Variants in SDK1 observed in about 807,000 individuals in gnomAD.
SDK1 encodes sidekick cell adhesion molecule 1, also known as protein sidekick-1.
A neutral mutation model predicts 245.5 loss-of-function variants in SDK1; 157 were observed. The observed-to-expected ratio is 0.64, with a 90% CI of 0.56 to 0.73. The LOEUF is 0.73. Among genes scored for constraint, SDK1 ranks in the 30% least tolerant of loss-of-function variants. The pLI, the probability that SDK1 is intolerant of heterozygous loss-of-function variation, is 0.00. For missense variants in SDK1, 3,583 were observed against 3,002.3 expected (o/e 1.19, Z -4.52); for synonymous variants, 1,647 against 1,278.5 (o/e 1.29, Z -6.15).
Position 4,247,790 on chromosome 7 carries a change from A to T in SDK1, c.6381+1985A>T, listed in dbSNP as rs143920383. On this transcript the variant is annotated intron_variant, in intron 44 of 44. Coordinates refer to ENST00000404826, the MANE Select transcript of SDK1 (RefSeq NM_152744.4). ...CCCATGAGGTGGGGCCAGTCTCCTT[A>T]TTGGTCAGAGGCTGAGGTTGTCCAG... 5.4e-3 allele frequency among the ~76,000 whole-genome samples: 816 copies of T among 152,110 alleles called. 1 individual carries two copies. Among genetic ancestry groups the T allele is most frequent in the African/African-American group, 9.1e-3 (377 of 41,494 alleles).
intron 32 of SDK1, among the ~76,000 whole-genome samples, chr7:4,171,293 T>C (rs904179311): frequency 2.0e-5 from 3 of 152,220 alleles, no homozygotes; most frequent in African/African-American, 7.2e-5. Flanking sequence ...TTCTGCTTTG[T>C]TTCTCTAGCT....
chr7:4,116,404 C>T (rs1024367879), intron 25 of SDK1, among the ~76,000 whole-genome samples: 2 of 152,212 alleles, frequency 1.3e-5, no homozygotes, highest in African/African-American at 4.8e-5. Flanking sequence ...GGCACCAGCA[C>T]GTGCCCAGTG....
chr7:4,132,198 C>T, intron 27 of SDK1, 127 bp from the exon 28 acceptor site: 1 of 709,000 alleles, frequency 1.4e-6, no homozygotes, highest in Non-Finnish European at 2.4e-6. Context: ...TTAGGGGGTT[C>T]TAAACCCACG....
chr7:3,477,941 G>A (rs897910680), intron 1 of SDK1, among the ~76,000 whole-genome samples: 5 of 152,056 alleles, frequency 3.3e-5, no homozygotes, highest in African/African-American at 1.2e-4. Context: ...TTTGTCCTAT[G>A]GTGTGTGTTA....
intron 40 of SDK1, among the ~76,000 whole-genome samples, chr7:4,230,529 A>G (rs553902636): frequency 6.4e-4 from 97 of 151,488 alleles, no homozygotes; most frequent in African/African-American, 2.3e-3. Context: ...GATGAATGGA[A>G]GGAAGGAAGG....
intron 1 of SDK1, among the ~76,000 whole-genome samples, chr7:3,585,636 A>G (rs1780662508): frequency 6.6e-6 from 1 of 152,144 alleles, no homozygotes; most frequent in South Asian, 2.1e-4. Context: ...GGTCAGTGGT[A>G]ACAGAGAACA....
At chr7:3,696,594 G>C (rs1319297370) in intron 4 of SDK1, among the ~76,000 whole-genome samples, 1 of 151,794 alleles carries the variant, frequency 6.6e-6, no homozygotes, top group Non-Finnish European at 1.5e-5. Context: ...GTGTGTGTGT[G>C]TGTGTGTTGT....
chr7:3,758,647 A>C (rs1056066641), intron 4 of SDK1, among the ~76,000 whole-genome samples: 2 of 152,158 alleles, frequency 1.3e-5, no homozygotes, highest in Admixed American at 6.5e-5. Context: ...CTTACTCTGC[A>C]CTGTGAGATC....
chr7:4,068,322 T>A (rs745559703), intron 20 of SDK1, among the ~76,000 whole-genome samples: 9 of 152,204 alleles, frequency 5.9e-5, no homozygotes, highest in Non-Finnish European at 1.3e-4. Flanking sequence ...ATTTTACAGA[T>A]GAGGAAACTG....
At chr7:3,536,927 C>G (rs1053877186) in intron 1 of SDK1, among the ~76,000 whole-genome samples, 1 of 152,106 alleles carries the variant, frequency 6.6e-6, no homozygotes, top group Non-Finnish European at 1.5e-5. Context: ...AAACCATATT[C>G]TTTATTGACT....
chr7:3,457,910 T>G (rs902269183), intron 1 of SDK1, among the ~76,000 whole-genome samples: 8 of 152,232 alleles, frequency 5.3e-5, no homozygotes, highest in African/African-American at 1.9e-4. Context: ...AAGTAAATGT[T>G]TAGACACTTT....
In SDK1 at chr7:4,162,375, A is replaced by G. The variant is rs549170648; in HGVS notation, c.4800+519A>G. Among the ~76,000 whole-genome samples, 475 of 85,758 alleles carry G rather than the reference A, an allele frequency of 5.5e-3. 3 individuals are homozygous for G. Among genetic ancestry groups the G allele is most frequent in the South Asian group, 0.012 (47 of 3,768 alleles). 56.3% of individuals were successfully genotyped at this position (85,758 alleles called of 152,430 possible). A position where few individuals can be genotyped will look rare whatever the true frequency, so the allele number is the denominator to read the frequency against. On this transcript the variant is annotated intron_variant, in intron 32 of 44. Transcript: ENST00000404826. Reference sequence around the variant, plus strand: ...GGTGGTGGTTGTTGTTGTTGTTATTATTATTATTATTATTATTATTATTAT... The same window carrying G: ...GGTGGTGGTTGTTGTTGTTGTTATTGTTATTATTATTATTATTATTATTAT...
At chr7:3,798,604 C>G (rs1199009886) in intron 4 of SDK1, among the ~76,000 whole-genome samples, 2 of 152,152 alleles carry the variant, frequency 1.3e-5, no homozygotes, top group African/African-American at 4.8e-5. Flanking sequence ...CACGATCAAG[C>G]TGACTCATCA....
At chr7:4,128,735 A>G (rs1156236409) in intron 26 of SDK1, among the ~76,000 whole-genome samples, 20 of 85,188 alleles carry the variant, frequency 2.3e-4, no homozygotes, top group South Asian at 4.5e-4. Flanking sequence ...GTGCCCTGGA[A>G]TAGAGCAGCT....
At chr7:3,729,087 G>A (rs933977085) in intron 4 of SDK1, among the ~76,000 whole-genome samples, 1 of 152,142 alleles carries the variant, frequency 6.6e-6, no homozygotes, top group Non-Finnish European at 1.5e-5. Context: ...TAACCATACT[G>A]GGCAACATTG....
In SDK1 at chr7:4,175,771, A is replaced by C. The variant is rs112491467; in HGVS notation, c.4937-4A>C. On this transcript the variant is annotated splice_polypyrimidine_tract_variant and splice_region_variant and intron_variant, in intron 33 of 44. Transcript: ENST00000404826. The stretch of plus-strand genomic sequence containing the variant: ...CCACCTTTCTGCTTTGCTTACCCCA[A>C]TAGCCCAAAGCAGCTTCAAGACGGT... 2 of 1,613,680 alleles carry C rather than the reference A, an allele frequency of 1.2e-6. No homozygotes were observed. Among genetic ancestry groups the C allele is most frequent in the Non-Finnish European group, 8.5e-7 (1 of 1,179,726 alleles).
chr7:3,670,390 A>C (rs1783660696), intron 4 of SDK1, among the ~76,000 whole-genome samples: 1 of 152,214 alleles, frequency 6.6e-6, no homozygotes, highest in East Asian at 1.9e-4. Flanking sequence ...TTCCCGGATC[A>C]GATACCTGAG....
At chr7:3,909,279 G>C (rs1200288426) in intron 5 of SDK1, among the ~76,000 whole-genome samples, 1 of 152,068 alleles carries the variant, frequency 6.6e-6, no homozygotes, top group Non-Finnish European at 1.5e-5. Context: ...GCTCTCTCGG[G>C]TGGTGACCAG....
intron 4 of SDK1, among the ~76,000 whole-genome samples, chr7:3,720,586 G>A (rs1785339316): frequency 6.6e-6 from 1 of 152,170 alleles, no homozygotes; most frequent in Admixed American, 6.5e-5. Context: ...ACCAGATAAT[G>A]GCGTGAGAAT....
Sources: allele counts gnomAD v4.1 joint callset (sites outside exome capture counted in the v4.1 genomes callset), GRCh38; gene constraint gnomAD v4.1.1; transcripts MANE v1.5; gene names NCBI Gene and HGNC (gene_info 2026-07-23, HGNC 2026-07-21).